Variants in CACNA2D1 observed in about 807,000 individuals in gnomAD.
CACNA2D1 encodes the protein calcium voltage-gated channel auxiliary subunit alpha2delta 1, also known as voltage-dependent calcium channel subunit alpha-2/delta-1.
In CACNA2D1, 53 loss-of-function variants were observed where a neutral mutation model predicts 171.5. The ratio of observed to expected loss-of-function variants is 0.31; its 90% CI spans 0.25 to 0.39. The LOEUF is 0.39. CACNA2D1 is among the 10% of genes least tolerant of loss of function. The probability of loss-of-function intolerance (pLI) is 1.00; values close to 1 mark genes in which losing one functional copy is unlikely to be tolerated. For synonymous variants in CACNA2D1, 442 were observed against 443.1 expected (o/e 1.00, Z 0.03); for missense variants, 903 against 1,299.8 (o/e 0.69, Z 4.69).
intron 7 of CACNA2D1, among the ~76,000 whole-genome samples, chr7:82,067,865 T>A (rs1807846841): frequency 6.6e-6 from 1 of 152,178 alleles, no homozygotes; most frequent in African/African-American, 2.4e-5. Context: ...ATAGAAATTG[T>A]ATCCTACTTT....
intron 3 of CACNA2D1, among the ~76,000 whole-genome samples, chr7:82,267,913 T>C (rs1026705877): frequency 2.6e-5 from 4 of 151,916 alleles, no homozygotes; most frequent in African/African-American, 7.3e-5. Context: ...AGGAGAATGG[T>C]GTGAACCCAG....
intron 3 of CACNA2D1, among the ~76,000 whole-genome samples, chr7:82,216,385 G>C (rs941820981): frequency 7.2e-5 from 11 of 152,104 alleles, no homozygotes; most frequent in Non-Finnish European, 1.5e-4. Flanking sequence ...TCTGGAAATT[G>C]TTTTTATTCA....
rs1280533809 is a variant in CACNA2D1, at chr7:82,401,086, T to G, written c.95+42279A>C. ...TGCTGGAGAGGATGTGGAGAAATAG[T>G]AACACTTTTACACTGTTGGTGGGAC... is the stretch of plus-strand genomic sequence containing the variant. On this transcript the variant is annotated intron_variant, in intron 1 of 38. Transcript: ENST00000356860. Among the ~76,000 whole-genome samples, 78 of 152,094 alleles carry G rather than the reference T, an allele frequency of 5.1e-4. 1 individual carries two copies. The highest frequency in any genetic ancestry group is 4.4e-3 in the South Asian group (21 of 4,816).
intron 3 of CACNA2D1, among the ~76,000 whole-genome samples, chr7:82,291,201 T>C (rs922630959): frequency 3.8e-5 from 4 of 106,374 alleles, no homozygotes; most frequent in African/African-American, 1.3e-4. Context: ...TAGAATTCTA[T>C]ATCTATAAAA....
intron 1 of CACNA2D1, among the ~76,000 whole-genome samples, chr7:82,364,278 G>C (rs986529971): frequency 6.6e-6 from 1 of 152,194 alleles, no homozygotes; most frequent in African/African-American, 2.4e-5. Flanking sequence ...ACTGCAGCTG[G>C]AGACAAGAAC....
chr7:82,045,402 A>G (rs555109089), intron 10 of CACNA2D1, among the ~76,000 whole-genome samples: 2 of 152,178 alleles, frequency 1.3e-5, no homozygotes, highest in South Asian at 2.1e-4. Context: ...CTATTTCTTA[A>G]AAGAGTTTTG....
chr7:82,292,482 G>A (rs73374395), intron 3 of CACNA2D1, among the ~76,000 whole-genome samples: 3,784 of 152,152 alleles, frequency 0.025, 148 homozygotes, highest in African/African-American at 0.087. Flanking sequence ...AAGGTGCATC[G>A]GGAAAACAAT....
At chr7:82,318,196 G>T (rs1218144036) in intron 3 of CACNA2D1, among the ~76,000 whole-genome samples, 1 of 152,126 alleles carries the variant, frequency 6.6e-6, no homozygotes, top group Admixed American at 6.5e-5. Context: ...AGACCAGAAT[G>T]ATTTTTTTGA....
chr7:82,055,962 A>C (rs1805833179), intron 10 of CACNA2D1, among the ~76,000 whole-genome samples: 2 of 144,278 alleles, frequency 1.4e-5, no homozygotes, highest in Admixed American at 7.0e-5. Context: ...TTTTAAAAAA[A>C]GGAAAGAATC....
At chr7:82,063,944 G>C (rs1807278874) in intron 9 of CACNA2D1, among the ~76,000 whole-genome samples, 1 of 150,628 alleles carries the variant, frequency 6.6e-6, no homozygotes, top group Non-Finnish European at 1.5e-5. Flanking sequence ...CTGTAACCTT[G>C]ATCTCCTGGG....
chr7:82,063,644 G>T (rs2128980594), intron 9 of CACNA2D1, among the ~76,000 whole-genome samples: 1 of 150,992 alleles, frequency 6.6e-6, no homozygotes, highest in East Asian at 2.0e-4. Context: ...TACACTTCAT[G>T]TTTATTTTAA....
intron 24 of CACNA2D1, among the ~76,000 whole-genome samples, chr7:81,974,834 G>A (rs891834624): frequency 2.6e-5 from 4 of 151,792 alleles, no homozygotes; most frequent in Non-Finnish European, 5.9e-5. Context: ...AGATTTAGGA[G>A]TCTCATATAG....
At chr7:82,360,826 G>A (rs183760263) in intron 1 of CACNA2D1, among the ~76,000 whole-genome samples, 118 of 152,200 alleles carry the variant, frequency 7.8e-4, no homozygotes, top group African/African-American at 2.7e-3. Context: ...GTAATTTGCT[G>A]ACAGCTCTTC....
At chr7:82,032,406 TTGAG>T (rs1192793453) in intron 12 of CACNA2D1, among the ~76,000 whole-genome samples, 1 of 151,784 alleles carries the variant, frequency 6.6e-6, no homozygotes, top group African/African-American at 2.4e-5. Context: ...TTTAGGAAAT[TTGAG>T]TATTACTGCA....
In CACNA2D1 at chr7:82,000,633, C is replaced by T. The variant is rs191973880; in HGVS notation, c.1591-3383G>A. Among the ~76,000 whole-genome samples, 195 of 152,050 alleles carry T rather than the reference C, an allele frequency of 1.3e-3. No individual in the cohort carries two copies. The Middle Eastern group carries it at 0.024, about 19-fold the overall frequency. Reference sequence around the variant, plus strand: ...TTTGTTTTTGAGACGGGGTCTCGCTCTGTCACCCAGCCTGGAGGCAGTGGC... The same window carrying T: ...TTTGTTTTTGAGACGGGGTCTCGCTTTGTCACCCAGCCTGGAGGCAGTGGC... On this transcript the variant is annotated intron_variant, in intron 18 of 38. Coordinates refer to ENST00000356860, the MANE Select transcript of CACNA2D1 (RefSeq NM_000722.4).
At chr7:82,243,384 T>C (rs1585201519) in intron 3 of CACNA2D1, among the ~76,000 whole-genome samples, 1 of 152,138 alleles carries the variant, frequency 6.6e-6, no homozygotes, top group African/African-American at 2.4e-5. Flanking sequence ...GTTTATGCCT[T>C]ATAAATATTT....
In CACNA2D1 at chr7:82,255,573, C is replaced by T. The variant is rs561943044; in HGVS notation, c.294+79562G>A. 7.9e-5 allele frequency among the ~76,000 whole-genome samples: 12 copies of T among 152,248 alleles called. No homozygotes were observed. In the East Asian group the frequency reaches 2.3e-3, roughly 29 times the overall value. On this transcript the variant is annotated intron_variant, in intron 3 of 38. Coordinates refer to ENST00000356860, the MANE Select transcript of CACNA2D1 (RefSeq NM_000722.4). The stretch of plus-strand genomic sequence containing the variant: ...ATGGCATACTCTATACATTATCTGC[C>T]TGCAGGCAGAACTTCTTTAAAAGCC...
chr7:82,401,138 G>A (rs1485328262), intron 1 of CACNA2D1, among the ~76,000 whole-genome samples: 2 of 152,206 alleles, frequency 1.3e-5, no homozygotes, highest in African/African-American at 4.8e-5. Flanking sequence ...CATTGTGGAA[G>A]TCAGTGTGGC....
chr7:82,303,239 T>C (rs966398661), intron 3 of CACNA2D1, among the ~76,000 whole-genome samples: 2 of 152,108 alleles, frequency 1.3e-5, no homozygotes, highest in Admixed American at 6.6e-5. Flanking sequence ...CCTTGTGATC[T>C]GCCCACCTTG....
Sources: allele counts gnomAD v4.1 joint callset (sites outside exome capture counted in the v4.1 genomes callset), GRCh38; gene constraint gnomAD v4.1.1; transcripts MANE v1.5; gene names NCBI Gene and HGNC (gene_info 2026-07-23, HGNC 2026-07-21).